GREM2: variants seen among roughly 807,000 people sequenced by gnomAD.
GREM2 encodes the protein gremlin-2.
In GREM2, 11 loss-of-function variants were observed where a neutral mutation model predicts 14.2. That is an observed-to-expected ratio of 0.78 (90% CI 0.49 to 1.28). GREM2 has a LOEUF of 1.28. Among genes scored for constraint, GREM2 ranks in the 50% most tolerant of loss-of-function variants. The pLI, the probability that GREM2 is intolerant of heterozygous loss-of-function variation, is 0.00. For missense variants in GREM2, 210 were observed against 218.5 expected, an observed-to-expected ratio of 0.96 and a Z score of 0.24; for synonymous variants, 98 against 97.6, an observed-to-expected ratio of 1.00 and a Z score of -0.02.
In GREM2 at chr1:240,554,030, C is replaced by T. The variant is rs557852033; in HGVS notation, c.-2+57854G>A. ...CTGGGGTTGCTTGGATCATCAACTC[C>T]GGACTTGGATGCTACCTGCATTAGG... On this transcript the variant is annotated intron_variant, in intron 1 of 1. Coordinates refer to ENST00000318160, the MANE Select transcript of GREM2 (RefSeq NM_022469.4). Among the ~76,000 whole-genome samples, 40 of 152,254 alleles carry T rather than the reference C, an allele frequency of 2.6e-4. No individual in the cohort carries two copies. In the South Asian group the frequency reaches 5.0e-3, roughly 19 times the overall value.
intron 1 of GREM2, among the ~76,000 whole-genome samples, chr1:240,518,508 C>T (rs915372051): frequency 6.6e-6 from 1 of 152,032 alleles, no homozygotes; most frequent in Non-Finnish European, 1.5e-5. Context: ...AAAATACATC[C>T]TTAGTTTTTG....
At chr1:240,559,889 G>A (rs1207046473) in intron 1 of GREM2, among the ~76,000 whole-genome samples, 2 of 152,070 alleles carry the variant, frequency 1.3e-5, no homozygotes, top group South Asian at 4.2e-4. Context: ...GTGGTGCCTC[G>A]ATATGTTCAA....
chr1:240,583,856 C>T (rs1213250224), intron 1 of GREM2, among the ~76,000 whole-genome samples: 5 of 152,120 alleles, frequency 3.3e-5, no homozygotes, highest in Non-Finnish European at 7.4e-5. Flanking sequence ...CCCACCTCGG[C>T]CTCCCAAAGT....
chr1:240,547,301 C>T (rs113665477), intron 1 of GREM2, among the ~76,000 whole-genome samples: 1 of 151,804 alleles, frequency 6.6e-6, no homozygotes, highest in Middle Eastern at 3.4e-3. Flanking sequence ...GAGATCAAGA[C>T]CATCCTGGCT....
chr1:240,602,286 C>A (rs893915982), intron 1 of GREM2, among the ~76,000 whole-genome samples: 2 of 152,068 alleles, frequency 1.3e-5, no homozygotes, highest in African/African-American at 2.4e-5. Flanking sequence ...ACTTAGTGGG[C>A]CAGAATTTAA....
chr1:240,608,136 A>G (rs1399262190), intron 1 of GREM2, among the ~76,000 whole-genome samples: 2 of 152,252 alleles, frequency 1.3e-5, no homozygotes, highest in Admixed American at 6.5e-5. Context: ...AGAAATTCTC[A>G]GTAAAACTTG....
intron 1 of GREM2, among the ~76,000 whole-genome samples, chr1:240,521,528 A>G (rs541201731): frequency 2.5e-3 from 381 of 152,066 alleles, no homozygotes; most frequent in South Asian, 5.8e-3. Context: ...CCGAGATGGC[A>G]CCACTGCACT....
At chr1:240,495,072 C>T (rs561563626) in intron 1 of GREM2, among the ~76,000 whole-genome samples, 8 of 152,290 alleles carry the variant, frequency 5.3e-5, no homozygotes, top group East Asian at 1.9e-4. Flanking sequence ...GCTTGCAGGG[C>T]ACAAGCCAAA....
At chr1:240,536,701 AG>A (rs1195604806) in intron 1 of GREM2, among the ~76,000 whole-genome samples, 2 of 128,084 alleles carry the variant, frequency 1.6e-5, no homozygotes, top group African/African-American at 6.1e-5. Context: ...CGGGGGCTGT[AG>A]ATCTGGAAGC....
chr1:240,546,386 T>C (rs1390646167), intron 1 of GREM2, among the ~76,000 whole-genome samples: 1 of 151,778 alleles, frequency 6.6e-6, no homozygotes, highest in Non-Finnish European at 1.5e-5. Flanking sequence ...GCTTATTCAT[T>C]TGCATTAACC....
chr1:240,610,253 T>C (rs1232539181), intron 1 of GREM2, among the ~76,000 whole-genome samples: 2 of 152,162 alleles, frequency 1.3e-5, no homozygotes, highest in Non-Finnish European at 1.5e-5. Context: ...TTATATTTAT[T>C]TGCACAGATC....
chr1:240,502,494 A>G (rs772251419), intron 1 of GREM2, among the ~76,000 whole-genome samples: 13 of 151,976 alleles, frequency 8.6e-5, no homozygotes, highest in Non-Finnish European at 1.6e-4. Context: ...CATTCCTCAC[A>G]TTTCTACTAA....
At chr1:240,507,312 C>A (rs978335554) in intron 1 of GREM2, among the ~76,000 whole-genome samples, 24 of 137,440 alleles carry the variant, frequency 1.7e-4, no homozygotes, top group Non-Finnish European at 3.3e-4. Flanking sequence ...TTCCTTCCTT[C>A]CTCCTTCCCT....
intron 1 of GREM2, among the ~76,000 whole-genome samples, chr1:240,558,850 T>G (rs1678993461): frequency 6.6e-6 from 1 of 152,116 alleles, no homozygotes; most frequent in Non-Finnish European, 1.5e-5. Context: ...ACCTGTTTTA[T>G]GAAAAGAAAC....
intron 1 of GREM2, among the ~76,000 whole-genome samples, chr1:240,522,624 A>T (rs1474239292): frequency 6.6e-6 from 1 of 152,190 alleles, no homozygotes; most frequent in East Asian, 1.9e-4. Flanking sequence ...CCCCTGAGAA[A>T]ACATTGACTT....
intron 1 of GREM2, among the ~76,000 whole-genome samples, chr1:240,589,874 C>T (rs1679672663): frequency 6.6e-6 from 1 of 152,110 alleles, no homozygotes; most frequent in South Asian, 2.1e-4. Context: ...AACAGGTGGC[C>T]TTTAAGCTGG....
intron 1 of GREM2, among the ~76,000 whole-genome samples, chr1:240,574,861 C>A (rs181015767): frequency 6.6e-6 from 1 of 152,262 alleles, no homozygotes; most frequent in East Asian, 1.9e-4. Context: ...GTAATCCCAG[C>A]ACTTTGGGAG....
At chr1:240,525,957 T>C (rs1280196308) in intron 1 of GREM2, among the ~76,000 whole-genome samples, 2 of 152,210 alleles carry the variant, frequency 1.3e-5, no homozygotes, top group Non-Finnish European at 2.9e-5. Context: ...ATTATTTCCC[T>C]ATCTTCAAAG....
intron 1 of GREM2, among the ~76,000 whole-genome samples, chr1:240,598,233 T>TA (rs1679857759): frequency 6.6e-6 from 1 of 152,214 alleles, no homozygotes; most frequent in African/African-American, 2.4e-5. Context: ...TTGTTGTCGT[T>TA]AAAGGGACTT....
Sources: allele counts gnomAD v4.1 joint callset (sites outside exome capture counted in the v4.1 genomes callset), GRCh38; gene constraint gnomAD v4.1.1; transcripts MANE v1.5; gene names NCBI Gene and HGNC (gene_info 2026-07-23, HGNC 2026-07-21).